Variants in CRISPLD2 observed in about 807,000 individuals in gnomAD.
The protein encoded by CRISPLD2 is cysteine-rich secretory protein LCCL domain-containing 2.
Under a neutral mutation model 71.1 loss-of-function variants are expected in CRISPLD2, and 47 were observed. The ratio of observed to expected loss-of-function variants is 0.66; its 90% CI spans 0.52 to 0.84. The LOEUF is 0.84. Ranked by LOEUF, CRISPLD2 falls within the 40% of genes least tolerant of loss-of-function variation. CRISPLD2 has a pLI of 0.00. For synonymous variants in CRISPLD2, 317 were observed against 250.1 expected, an observed-to-expected ratio of 1.27 and a Z score of -2.52; for missense variants, 830 against 651.1, an observed-to-expected ratio of 1.27 and a Z score of -2.99.
chr16:84,847,204 G>C (rs1916937948), intron 3 of CRISPLD2, among the ~76,000 whole-genome samples: 1 of 152,178 alleles, frequency 6.6e-6, no homozygotes. Context: ...TCCTAGCTTG[G>C]GTTTCACTGG....
At chr16:84,838,108 C>T (rs1916670623) in intron 1 of CRISPLD2, among the ~76,000 whole-genome samples, 1 of 152,090 alleles carries the variant, frequency 6.6e-6, no homozygotes, top group African/African-American at 2.4e-5. Context: ...CACCTGAGTC[C>T]TGAATGAATA....
chr16:84,864,804 A>T (rs1917490565), intron 6 of CRISPLD2, among the ~76,000 whole-genome samples: 2 of 152,164 alleles, frequency 1.3e-5, no homozygotes, highest in South Asian at 4.1e-4. Flanking sequence ...TGGGGAAATG[A>T]CAGTTGCGAG....
chr16:84,862,154 C>A (rs1191935769), intron 6 of CRISPLD2, among the ~76,000 whole-genome samples: 1 of 152,108 alleles, frequency 6.6e-6, no homozygotes, highest in African/African-American at 2.4e-5. Flanking sequence ...CTCGCCCCCA[C>A]TCCCACAGCT....
In CRISPLD2 at chr16:84,877,490, G is replaced by T; in HGVS notation, c.1209G>T (p.Lys403Asn). 1.9e-6 allele frequency: 3 copies of T among 1,613,944 alleles called. No individual in the cohort carries two copies. Among genetic ancestry groups the T allele is most frequent in the Non-Finnish European group, 2.5e-6 (3 of 1,179,862 alleles). Residue 403 changes from lysine (K) to asparagine (N), a missense_variant, in exon 12 of 15, where the codon AAG becomes AAT. Physicochemically the swap from Lys to Asn is moderately conservative, Grantham distance 94. Transcript: ENST00000262424. Reference sequence around the variant, plus strand: ...TTGCTCAGCTGTGCCCGTTTGAAAAGCCAGCAACTCACTGCCCAAGGTAAG... The same window carrying T: ...TTGCTCAGCTGTGCCCGTTTGAAAATCCAGCAACTCACTGCCCAAGGTAAG... ...TTVAQLCPFE[K>N]PATHCPRIHC...
At chr16:84,850,512 A>G in intron 4 of CRISPLD2, 56 bp from the exon 5 acceptor site, 2 of 1,466,406 alleles carry the variant, frequency 1.4e-6, no homozygotes, top group East Asian at 2.3e-5. Flanking sequence ...GCCAAATGAT[A>G]TCACCCTTTT....
intron 5 of CRISPLD2, among the ~76,000 whole-genome samples, chr16:84,854,352 T>A (rs1292120066): frequency 6.6e-6 from 1 of 152,024 alleles, no homozygotes; most frequent in Admixed American, 6.6e-5. Flanking sequence ...TTTACACATT[T>A]GAGAAATGGC....
chr16:84,833,901 G>T (rs58151657), intron 1 of CRISPLD2, among the ~76,000 whole-genome samples: 4 of 152,146 alleles, frequency 2.6e-5, no homozygotes, highest in Non-Finnish European at 4.4e-5. Flanking sequence ...GGGTGGAAGA[G>T]AACTTTAGGG....
chr16:84,863,769 G>C (rs546886792), intron 6 of CRISPLD2, among the ~76,000 whole-genome samples: 1 of 152,178 alleles, frequency 6.6e-6, no homozygotes, highest in African/African-American at 2.4e-5. Flanking sequence ...GGGAGTTTGA[G>C]ACCAGCCTGA....
At chr16:84,859,687 A>C (rs1917331698) in intron 6 of CRISPLD2, among the ~76,000 whole-genome samples, 1 of 152,250 alleles carries the variant, frequency 6.6e-6, no homozygotes, top group Non-Finnish European at 1.5e-5. Context: ...GTGGGAATGT[A>C]GTAGGCTTCC....
chr16:84,888,436 T>G (rs546280049), intron 13 of CRISPLD2, among the ~76,000 whole-genome samples: 5 of 152,350 alleles, frequency 3.3e-5, no homozygotes, highest in African/African-American at 1.2e-4. Flanking sequence ...CTTGGGAGGC[T>G]GAGGTGGGAG....
At chr16:84,858,989 G>C (rs542157012) in intron 6 of CRISPLD2, among the ~76,000 whole-genome samples, 8 of 152,318 alleles carry the variant, frequency 5.3e-5, no homozygotes, top group African/African-American at 1.9e-4. Flanking sequence ...AGTTGAACGG[G>C]GATGTGGGAA....
chr16:84,890,709 C>T (rs1228948448), intron 14 of CRISPLD2, among the ~76,000 whole-genome samples: 2 of 151,446 alleles, frequency 1.3e-5, no homozygotes, highest in Non-Finnish European at 2.9e-5. Flanking sequence ...GCAGGAGAAT[C>T]ACTTGAACCC....
intron 6 of CRISPLD2, among the ~76,000 whole-genome samples, chr16:84,864,959 G>A (rs946940023): frequency 1.3e-5 from 2 of 152,208 alleles, no homozygotes; most frequent in African/African-American, 4.8e-5. Context: ...TTGTAGGGTA[G>A]TGAAATTGGC....
At chr16:84,880,433 C>A in intron 12 of CRISPLD2, 76 bp from the exon 13 acceptor site, 10 of 1,173,480 alleles carry the variant, frequency 8.5e-6, no homozygotes, top group South Asian at 1.6e-5. Context: ...TCTTGGAATT[C>A]AAATAAAGAG....
At chr16:84,868,767 C>A (rs1917610882) in intron 7 of CRISPLD2, 84 bp from the exon 8 acceptor site, 1 of 1,106,076 alleles carries the variant, frequency 9.0e-7, no homozygotes, top group South Asian at 1.3e-5. Context: ...GCAGAATGTT[C>A]CAGAATGTCC....
At chr16:84,873,788 A>T (rs1056825512) in intron 10 of CRISPLD2, 132 bp from the exon 11 acceptor site, 1 of 844,384 alleles carries the variant, frequency 1.2e-6, no homozygotes. Flanking sequence ...TCTCAGGCTG[A>T]TAGGAAACAA....
At chr16:84,898,133 C>T (rs1198262470) in intron 14 of CRISPLD2, among the ~76,000 whole-genome samples, 1 of 152,156 alleles carries the variant, frequency 6.6e-6, no homozygotes, top group East Asian at 1.9e-4. Context: ...CTAGAAAGAA[C>T]ATTTTTGCGC....
intron 2 of CRISPLD2, among the ~76,000 whole-genome samples, chr16:84,842,521 G>A (rs983263683): frequency 1.3e-5 from 2 of 151,570 alleles, no homozygotes; most frequent in Non-Finnish European, 2.9e-5. Flanking sequence ...CGACAGGTGC[G>A]CACCAGCACA....
Position 84,866,881 on chromosome 16 carries a change from C to T in CRISPLD2, c.710-16C>T, listed in dbSNP as rs1380785033. 1.2e-6 allele frequency: 2 copies of T among 1,600,096 alleles called. No individual in the cohort carries two copies. The highest frequency in any genetic ancestry group is 1.7e-5 in the Admixed American group (1 of 57,554). On this transcript the variant is annotated splice_polypyrimidine_tract_variant and intron_variant, in intron 6 of 14. Transcript: ENST00000262424. Reference sequence around the variant, plus strand: ...TCCCAGTGTGTTATTTTTTTTCCTCCCTCTCCAATGTTAAGAAGAAACCTA... The same window carrying T: ...TCCCAGTGTGTTATTTTTTTTCCTCTCTCTCCAATGTTAAGAAGAAACCTA...
Sources: gnomAD v4.1 joint callset for allele counts (sites outside exome capture counted in the v4.1 genomes callset) on GRCh38, gnomAD v4.1.1 for gene constraint, MANE v1.5 for transcripts, NCBI Gene and HGNC (gene_info 2026-07-23, HGNC 2026-07-21) for gene names.